Variants in CCDC61 observed in about 807,000 individuals in gnomAD.
CCDC61 encodes centrosomal protein CCDC61.
In CCDC61, 55 loss-of-function variants were observed where a neutral mutation model predicts 63.0. The ratio of observed to expected loss-of-function variants is 0.87; its 90% confidence interval spans 0.70 to 1.09. CCDC61 has a LOEUF of 1.09. Ranked by LOEUF, CCDC61 falls within the 50% of genes least tolerant of loss-of-function variation. The pLI is 0.00. For missense variants in CCDC61, 651 were observed against 731.4 expected (o/e 0.89, Z 1.27); for synonymous variants, 270 against 317.0 (o/e 0.85, Z 1.58).
intron 5 of CCDC61, among the ~76,000 whole-genome samples, chr19:46,012,131 G>T (rs912044054): frequency 6.6e-6 from 1 of 152,078 alleles, no homozygotes. Flanking sequence ...TAAAAATTTT[G>T]TGAGCAGTGA....
At chr19:46,003,315 C>T (rs1471592113) in intron 2 of CCDC61, 104 bp from the exon 3 acceptor site, 1 of 1,431,484 alleles carries the variant, frequency 7.0e-7, no homozygotes, top group South Asian at 1.3e-5. Flanking sequence ...TCTTGTTGCT[C>T]AAGCCAGAGA....
intron 1 of CCDC61, chr19:45,999,942 G>T (rs1194520339): frequency 1.4e-5 from 12 of 836,502 alleles, no homozygotes; most frequent in Non-Finnish European, 1.7e-5. Flanking sequence ...TGGGATGCGT[G>T]AGGTCAGGAA....
intron 3 of CCDC61, 86 bp downstream of exon 3, chr19:46,003,587 AGACCC>A: frequency 1.1e-6 from 1 of 874,520 alleles, no homozygotes; most frequent in Non-Finnish European, 1.8e-6. Context: ...GATGTATGTA[AGACCC>A]TCTACCTTCT....
chr19:46,016,877 G>C lies in CCDC61; in HGVS notation c.1231+44G>C. On this transcript the variant is annotated intron_variant, in intron 10 of 13. Coordinates refer to ENST00000595358, the MANE Select transcript of CCDC61 (RefSeq NM_001267723.2). This position sits in a 1 kb window ranked among gnomAD's most constrained non-coding sequence, Gnocchi z 7.2. ...GGGGCTGCCGGGCTAGGCGGGACTG[G>C]GCGGGGCTGGGCGGGCTGGGAGGCA... The C allele has an allele frequency of 6.7e-7, 1 of 1,498,924 alleles. No individual in the cohort carries two copies. The highest frequency in any genetic ancestry group is 9.0e-7 in the Non-Finnish European group (1 of 1,116,774). The allele number at this position is 1,498,924 out of a possible 1,614,324, so 92.9% of individuals were successfully genotyped here.
At position 46,016,975 on chromosome 19, in the gene CCDC61, C is replaced by T. The variant is rs200834056; in HGVS notation, c.1232-16C>T. On this transcript the variant is annotated splice_polypyrimidine_tract_variant and intron_variant, in intron 10 of 13. Transcript: ENST00000595358. The surrounding 1 kb of genome is among the most constrained non-coding windows in gnomAD (Gnocchi z 7.2). Reference sequence around the variant, plus strand: ...GCCAGCGAGGGCCAGCGGTCACGCCCTCCGTCTCCCTCTAGTGGACAGTTT... The same window carrying T: ...GCCAGCGAGGGCCAGCGGTCACGCCTTCCGTCTCCCTCTAGTGGACAGTTT... The T allele has an allele frequency of 3.7e-6, 6 of 1,606,182 alleles. No individual in the cohort carries two copies. In the East Asian group the frequency reaches 1.1e-4, roughly 30 times the overall value.
At chr19:46,007,643 A>G (rs1277021545) in intron 4 of CCDC61, among the ~76,000 whole-genome samples, 1 of 152,144 alleles carries the variant, frequency 6.6e-6, no homozygotes, top group Non-Finnish European at 1.5e-5. Flanking sequence ...TTGTGTAGCT[A>G]GGTGACCGTG....
intron 3 of CCDC61, among the ~76,000 whole-genome samples, chr19:46,006,275 C>G (rs1968707396): frequency 6.6e-6 from 1 of 152,066 alleles, no homozygotes; most frequent in Admixed American, 6.5e-5. Context: ...AGTGGAGATC[C>G]CTGAAAGGGT....
intron 5 of CCDC61, among the ~76,000 whole-genome samples, chr19:46,014,000 T>A (rs1294443164): frequency 6.6e-6 from 1 of 152,190 alleles, no homozygotes; most frequent in African/African-American, 2.4e-5. Context: ...GTTAGGTCTG[T>A]TTGGGCCAGT....
At chr19:46,005,813 T>C (rs1435970452) in intron 3 of CCDC61, among the ~76,000 whole-genome samples, 1 of 148,926 alleles carries the variant, frequency 6.7e-6, no homozygotes, top group Non-Finnish European at 1.5e-5. Context: ...CAAGTAAAAA[T>C]AGTGTTCTAT....
rs1555810943 is a variant in CCDC61, at chr19:46,009,837, T to TGC, written c.551+1544_551+1545dup. ...GTGTATGTGTGTGTGTGTGTGTGTGTGCGCGCGCGTTTGCTCTGTCTCAGG... is the reference window on the plus strand; with the variant it reads ...GTGTATGTGTGTGTGTGTGTGTGTGTGCGCGCGCGCGTTTGCTCTGTCTCAGG... On this transcript the variant is annotated intron_variant, in intron 5 of 13. Transcript: ENST00000595358. Among the ~76,000 whole-genome samples the TGC allele has an allele frequency of 9.8e-3, 1,484 of 151,334 alleles. 13 individuals are homozygous for TGC. The highest frequency in any genetic ancestry group is 0.029 in the Admixed American group (441 of 15,168).
rs1396555862 is a variant in CCDC61, at chr19:46,003,173, G to T, written c.148+7G>T. 1 of 1,602,314 alleles carries T rather than the reference G, an allele frequency of 6.2e-7. No homozygotes were observed. The highest frequency in any genetic ancestry group is 1.7e-5 in the Admixed American group (1 of 59,118). On this transcript the variant is annotated splice_region_variant and intron_variant, in intron 2 of 13. Coordinates refer to ENST00000595358, the MANE Select transcript of CCDC61 (RefSeq NM_001267723.2). ...GGCGAGTTCGATGCTGGCTGTGAGTGTGCCTGCCTGGGGTGGGCTCACCTT... is the reference window on the plus strand; with the variant it reads ...GGCGAGTTCGATGCTGGCTGTGAGTTTGCCTGCCTGGGGTGGGCTCACCTT...
rs990454159 is a variant in CCDC61 at position 46,017,498 on chromosome 19, CAA to C, written c.1368+195_1368+196del. ...CACGGCAGCTTTCAACTCCTGGACT[CAA>C]GAGACCCTCCCACCTCGGCCTATGG... is the stretch of plus-strand genomic sequence containing the variant. On this transcript the variant is annotated intron_variant, in intron 12 of 13. Coordinates refer to ENST00000595358, the MANE Select transcript of CCDC61 (RefSeq NM_001267723.2). 3.4e-5 allele frequency among the ~76,000 whole-genome samples: 5 copies of C among 146,886 alleles called. No individual in the cohort carries two copies. The South Asian group carries it at 6.9e-4, about 20-fold the overall frequency.
At position 46,015,954 on chromosome 19, in the gene CCDC61, G is replaced by A. The variant is rs1224770545; in HGVS notation, c.846-100G>A. 2.0e-5 allele frequency: 21 copies of A among 1,047,786 alleles called. No individual in the cohort carries two copies. In the East Asian group the frequency reaches 5.6e-4, roughly 28 times the overall value. 64.9% of individuals were successfully genotyped at this position (1,047,786 alleles called of 1,614,324 possible). ...GGAGTGCACGTCTAGGAGTTGATGG[G>A]GTAGGCCTGAGGGTTCGGAGAAGGT... On this transcript the variant is annotated intron_variant, in intron 7 of 13. Coordinates refer to ENST00000595358, the MANE Select transcript of CCDC61 (RefSeq NM_001267723.2). This position sits in a 1 kb window ranked among gnomAD's most constrained non-coding sequence, Gnocchi z 5.3.
In CCDC61 at chr19:46,015,582, T is replaced by A. The variant is rs1165014033; in HGVS notation, c.845+155T>A. On this transcript the variant is annotated intron_variant, in intron 7 of 13. Coordinates refer to ENST00000595358, the MANE Select transcript of CCDC61 (RefSeq NM_001267723.2). The surrounding 1 kb of genome is among the most constrained non-coding windows in gnomAD (Gnocchi z 5.3). ...GGGGCTTAGCGGACCCCGTCTGGAG[T>A]CCAGACAGGATTTGGGTGCAGTGGT... Among the ~76,000 whole-genome samples the A allele has an allele frequency of 1.3e-5, 2 of 150,892 alleles. No homozygotes were observed. The highest frequency in any genetic ancestry group is 1.5e-5 in the Non-Finnish European group (1 of 67,656).
chr19:45,997,662 A>G (rs963069448), intron 1 of CCDC61, among the ~76,000 whole-genome samples: 6 of 148,934 alleles, frequency 4.0e-5, no homozygotes, highest in Non-Finnish European at 4.4e-5. Context: ...AAGTGCTGAG[A>G]TTACAGGCGT....
intron 5 of CCDC61, among the ~76,000 whole-genome samples, chr19:46,013,679 C>T (rs543423929): frequency 2.6e-5 from 4 of 151,656 alleles, no homozygotes; most frequent in Non-Finnish European, 5.9e-5. Context: ...CCATCTTGGC[C>T]AACATGGTGA....
At chr19:46,000,254 A>G (rs1968566345) in intron 1 of CCDC61, among the ~76,000 whole-genome samples, 1 of 152,098 alleles carries the variant, frequency 6.6e-6, no homozygotes, top group African/African-American at 2.4e-5. Context: ...GGGAGGGAAC[A>G]GAATCCAGGT....
At chr19:46,017,451 G>A in intron 12 of CCDC61, 147 bp downstream of exon 12, 2 of 723,054 alleles carry the variant, frequency 2.8e-6, no homozygotes, top group Admixed American at 2.9e-5. Context: ...TCAGGCTGGG[G>A]TGCAGTGGGG....
intron 4 of CCDC61, among the ~76,000 whole-genome samples, chr19:46,007,184 G>T (rs10413970): frequency 0.018 from 2,681 of 152,068 alleles, 80 homozygotes; most frequent in African/African-American, 0.061. Flanking sequence ...GAGTAGCTGG[G>T]ACTACAGGCA....
Sources: allele counts gnomAD v4.1 joint callset (sites outside exome capture counted in the v4.1 genomes callset), GRCh38; gene constraint gnomAD v4.1.1; non-coding constraint Gnocchi (gnomAD v3.1); transcripts MANE v1.5; gene names NCBI Gene and HGNC (gene_info 2026-07-23, HGNC 2026-07-21).